The following CRAT variants were observed in gnomAD, a reference collection of about 807,000 sequenced individuals.
CRAT encodes the protein carnitine O-acetyltransferase.
In CRAT, 66 loss-of-function variants were observed where a neutral mutation model predicts 73.7. The observed-to-expected ratio is 0.90, with a 90% CI of 0.73 to 1.10. The LOEUF (loss-of-function observed/expected upper bound fraction) is 1.10. Among genes scored for constraint, CRAT ranks in the 50% least tolerant of loss-of-function variants. The probability of loss-of-function intolerance (pLI) is 0.00; values close to 1 mark genes in which losing one functional copy is unlikely to be tolerated. For synonymous variants in CRAT, 321 were observed against 343.2 expected, an observed-to-expected ratio of 0.94 and a Z score of 0.71; for missense variants, 745 against 846.9, an observed-to-expected ratio of 0.88 and a Z score of 1.49.
chr9:129,095,855 G>GCTGCAGAGAGGCCC lies in CRAT; in HGVS notation c.1665+129_1665+142dup. The GCTGCAGAGAGGCCC allele has an allele frequency of 2.5e-6, 3 of 1,221,632 alleles. 1 individual carries two copies. The South Asian group carries it at 4.1e-5, about 17-fold the overall frequency. 75.7% of individuals were successfully genotyped at this position (1,221,632 alleles called of 1,614,324 possible). ...ACTGACCCCTTCTCAGCCTGCCTGGGCTGCAGAGAGGCCCCTGCCCCCAGC... is the reference window on the plus strand; with the variant it reads ...ACTGACCCCTTCTCAGCCTGCCTGGGCTGCAGAGAGGCCCCTGCAGAGAGGCCCCTGCCCCCAGC... On this transcript the variant is annotated intron_variant, in intron 13 of 13. Transcript: ENST00000318080.
Position 129,097,252 on chromosome 9 carries a change from G to A in CRAT, c.1525C>T (p.Arg509Trp), listed in dbSNP as rs555981187. ...AVQAHRGYTD[R>W]AIRGEAFDRH... ...TAGGCACAAGCGGGCTCACTTACCCGGTCGGTGTAGCCTCGGTGGGCCTGC... is the reference window on the plus strand; with the variant it reads ...TAGGCACAAGCGGGCTCACTTACCCAGTCGGTGTAGCCTCGGTGGGCCTGC... Residue 509 changes from arginine to tryptophan, a missense_variant and splice_region_variant, in exon 12 of 14, where the codon CGG becomes TGG. By Grantham distance (101) the Arg-to-Trp change is moderately radical. Transcript: ENST00000318080. 7.1e-6 allele frequency: 11 copies of A among 1,558,294 alleles called. No homozygotes were observed. In the East Asian group the frequency reaches 1.6e-4, roughly 23 times the overall value.
At chr9:129,096,608 C>T (rs1393788859) in intron 12 of CRAT, among the ~76,000 whole-genome samples, 1 of 152,236 alleles carries the variant, frequency 6.6e-6, no homozygotes, top group Non-Finnish European at 1.5e-5. Flanking sequence ...GCCCAAGCTG[C>T]TGGAGGGCAG....
chr9:129,100,453 A>G, intron 7 of CRAT, 58 bp downstream of exon 7: 1 of 1,535,722 alleles, frequency 6.5e-7, no homozygotes, highest in Non-Finnish European at 8.8e-7. Flanking sequence ...GGAAGTCCCG[A>G]GGCTGCAGAG....
rs1035528658 is a variant in CRAT, at chr9:129,108,206, C to G, written c.28-129G>C. 2.4e-6 allele frequency: 3 copies of G among 1,260,574 alleles called. No homozygotes were observed. The African/African-American group carries it at 4.5e-5, about 19-fold the overall frequency. 78.1% of individuals were successfully genotyped at this position (1,260,574 alleles called of 1,614,324 possible). A position where few individuals can be genotyped will look rare whatever the true frequency, so the allele number is the denominator to read the frequency against. Reference sequence around the variant, plus strand: ...AGACGGCCTCTTGGGTGGGGCTGGCCCTGGCCTCCCAGCCCTAGAGCTCTA... The same window carrying G: ...AGACGGCCTCTTGGGTGGGGCTGGCGCTGGCCTCCCAGCCCTAGAGCTCTA... On this transcript the variant is annotated intron_variant, in intron 1 of 13. Transcript: ENST00000318080.
At chr9:129,109,609 T>C (rs1365262587) in intron 1 of CRAT, among the ~76,000 whole-genome samples, 1 of 152,072 alleles carries the variant, frequency 6.6e-6, no homozygotes, top group African/African-American at 2.4e-5. Context: ...TGGAGGATGA[T>C]CTAGAGGCTG....
rs754274498 is a variant in CRAT, at chr9:129,100,615, T to C, written c.880A>G (p.Arg294Gly). 3.7e-6 allele frequency: 6 copies of C among 1,614,072 alleles called. No homozygotes were observed. The South Asian group carries it at 6.6e-5, about 18-fold the overall frequency. The change falls in exon 7 of 14, where the codon AGG becomes GGG. Residue 294 changes from arginine (R) to glycine (G), a missense_variant. By Grantham distance (125) the Arg-to-Gly change is moderately radical. Transcript: ENST00000318080. Reference sequence around the variant, plus strand: ...CTGCGGTACACGTCTTCTGAGACCCTGGGCATGGTTGCATCTAGGCACACG... The same window carrying C: ...CTGCGGTACACGTCTTCTGAGACCCCGGGCATGGTTGCATCTAGGCACACG... ...FTVCLDATMP[R>G]VSEDVYRSHV...
At chr9:129,097,704 T>C in intron 11 of CRAT, 1 of 312,290 alleles carries the variant, frequency 3.2e-6, no homozygotes, top group Non-Finnish European at 5.8e-6. Flanking sequence ...GTGAGACTCT[T>C]TCTAAAAAAA....
chr9:129,105,173 G>C (rs911259549), intron 2 of CRAT, among the ~76,000 whole-genome samples: 1 of 152,134 alleles, frequency 6.6e-6, no homozygotes, highest in Non-Finnish European at 1.5e-5. Context: ...CCAAAGTGCT[G>C]GGATTACAGG....
chr9:129,102,500 A>G lies in CRAT; in HGVS notation c.530T>C (p.Leu177Ser). The change falls in exon 5 of 14, where the codon TTG becomes TCG. Residue 177 changes from leucine to serine, a missense_variant. Coordinates refer to ENST00000318080, the MANE Select transcript of CRAT (RefSeq NM_000755.5). ...GGGGCCCGGCACTCGGCAGGAGGAC[A>G]AGATCTGATAGTACTGGTTCATGCA... ...PLCMNQYYQI[L>S]SSCRVPGPKQ... 1 of 1,614,130 alleles carries G rather than the reference A, an allele frequency of 6.2e-7. No homozygotes were observed. The highest frequency in any genetic ancestry group is 1.1e-5 in the South Asian group (1 of 91,084).
rs145730542 is a variant in CRAT, at chr9:129,095,574, G to A, written c.1704C>T (p.Pro568=). 1.9e-5 allele frequency: 31 copies of A among 1,613,268 alleles called. No individual in the cohort carries two copies. The highest frequency in any genetic ancestry group is 6.7e-5 in the African/African-American group (5 of 75,050). Residue 568 remains proline (P), a synonymous_variant, in exon 14 of 14, where the codon CCC becomes CCT. Transcript: ENST00000318080. The part of the protein sequence containing the change: ...AKTDCVMFFG[P]VVPDGYGVCY... ...AGACACCGTAGCCGTCGGGGACCAC[G>A]GGCCCGAAGAACATGACACAGTCTG...
At chr9:129,097,822 T>C (rs1320591566) in intron 11 of CRAT, 191 bp downstream of exon 11, 18 of 755,632 alleles carry the variant, frequency 2.4e-5, no homozygotes, top group Non-Finnish European at 3.5e-5. Flanking sequence ...AATGAACAAA[T>C]GAATGACTCC....
In CRAT at chr9:129,107,652, T is replaced by C. The variant is rs777754881; in HGVS notation, c.291+162A>G. On this transcript the variant is annotated intron_variant, in intron 2 of 13. Coordinates refer to ENST00000318080, the MANE Select transcript of CRAT (RefSeq NM_000755.5). The surrounding 1 kb of genome is among the most constrained non-coding windows in gnomAD (Gnocchi z 5.0). Reference sequence around the variant, plus strand: ...ATGTTAGCTCCAAGGAGCTGGTGACTGTGTCCTTCTTGATCACCCAGCACC... The same window carrying C: ...ATGTTAGCTCCAAGGAGCTGGTGACCGTGTCCTTCTTGATCACCCAGCACC... 6 of 928,420 alleles carry C rather than the reference T, an allele frequency of 6.5e-6. No individual in the cohort carries two copies. The highest frequency in any genetic ancestry group is 1.0e-5 in the Non-Finnish European group (6 of 577,278). The allele number at this position is 928,420 out of a possible 1,614,324, so 57.5% of individuals were successfully genotyped here.
chr9:129,108,920 A>T (rs139516227), intron 1 of CRAT: 1 of 1,277,352 alleles, frequency 7.8e-7, no homozygotes, highest in African/African-American at 1.5e-5. Flanking sequence ...AGAGAAGACA[A>T]GAGCCAAGAT....
intron 1 of CRAT, chr9:129,109,332 T>C: frequency 8.0e-7 from 1 of 1,251,486 alleles, no homozygotes; most frequent in South Asian, 1.3e-5. Flanking sequence ...CATCAGTGGA[T>C]GGGACAGCCA....
rs1006252208 is a variant in CRAT at position 129,107,934 on chromosome 9, G to A, written c.171C>T (p.Ile57=). The A allele has an allele frequency of 2.5e-6, 4 of 1,609,990 alleles. No homozygotes were observed. The highest frequency in any genetic ancestry group is 3.3e-5 in the Admixed American group (2 of 59,994). The change falls in exon 2 of 14, where the codon ATC becomes ATT. Residue 57 remains isoleucine, a synonymous_variant. Coordinates refer to ENST00000318080, the MANE Select transcript of CRAT (RefSeq NM_000755.5). The surrounding 1 kb of genome is among the most constrained non-coding windows in gnomAD (Gnocchi z 5.0). ...TGTGGGCCCACTCCTCCTCACTCAC[G>A]ATGGGCTGCAGCGCCTTCAGGTAGT... ...LDHYLKALQP[I]VSEEEWAHTK... is the part of the protein sequence containing the mutation.
chr9:129,100,395 C>T (rs1440038451), intron 7 of CRAT, 116 bp downstream of exon 7: 20 of 1,285,832 alleles, frequency 1.6e-5, no homozygotes, highest in Non-Finnish European at 1.9e-5. Flanking sequence ...TGGCTTCCTG[C>T]CTGCTTTACA....
chr9:129,108,483 C>G, intron 1 of CRAT: 1 of 1,161,918 alleles, frequency 8.6e-7, no homozygotes, highest in Non-Finnish European at 1.1e-6. Flanking sequence ...CCCACCCTTT[C>G]CAGGTTGAGA....
chr9:129,102,507 G>GA lies in CRAT; in HGVS notation c.522dup (p.Gln175SerfsTer39). 1 of 1,614,180 alleles carries GA rather than the reference G, an allele frequency of 6.2e-7. No individual in the cohort carries two copies. The highest frequency in any genetic ancestry group is 1.6e-4 in the Middle Eastern group (1 of 6,062). ...GGCACTCGGCAGGAGGACAAGATCT[G>GA]ATAGTACTGGTTCATGCACAGTGGC... On this transcript the variant is annotated frameshift_variant, in exon 5 of 14. Coordinates refer to ENST00000318080, the MANE Select transcript of CRAT (RefSeq NM_000755.5). LOFTEE classifies it high-confidence loss of function.
In CRAT at chr9:129,097,878, T is replaced by A. The variant is rs1847380227; in HGVS notation, c.1464+135A>T. 3 of 1,309,958 alleles carry A rather than the reference T, an allele frequency of 2.3e-6. No homozygotes were observed. In the African/African-American group the frequency reaches 4.4e-5, roughly 19 times the overall value. 81.1% of individuals were successfully genotyped at this position (1,309,958 alleles called of 1,614,324 possible). A position where few individuals can be genotyped will look rare whatever the true frequency, so the allele number is the denominator to read the frequency against. On this transcript the variant is annotated intron_variant, in intron 11 of 13. Coordinates refer to ENST00000318080, the MANE Select transcript of CRAT (RefSeq NM_000755.5). ...GGAAGCTCAGAGCTAGATTCACGGC[T>A]CCAGCTTCTGTTAGATTCCCCGTGC...
Sources: gnomAD v4.1 joint callset for allele counts (sites outside exome capture counted in the v4.1 genomes callset) on GRCh38, gnomAD v4.1.1 for gene constraint, Gnocchi (gnomAD v3.1) non-coding constraint, MANE v1.5 for transcripts, NCBI Gene and HGNC (gene_info 2026-07-23, HGNC 2026-07-21) for gene names.